Variants in ANO4 observed in about 807,000 individuals in gnomAD.
ANO4 encodes the protein anoctamin-4.
Under a neutral mutation model 141.9 loss-of-function variants are expected in ANO4, and 69 were observed. The ratio of observed to expected loss-of-function variants is 0.49; its 90% CI spans 0.40 to 0.59. The LOEUF is 0.59. Ranked by LOEUF, ANO4 falls within the 20% of genes least tolerant of loss-of-function variation. The pLI, the probability that ANO4 is intolerant of heterozygous loss-of-function variation, is 0.00. For missense variants in ANO4, 894 were observed against 1,162.2 expected (o/e 0.77, Z 3.36); for synonymous variants, 350 against 394.3 (o/e 0.89, Z 1.33).
At chr12:100,898,983 ACAGAGCATG>A (rs2040467576) in intron 1 of ANO4, among the ~76,000 whole-genome samples, 1 of 152,216 alleles carries the variant, frequency 6.6e-6, no homozygotes, top group African/African-American at 2.4e-5. Context: ...CACCAGTGGC[ACAGAGCATG>A]GTGGAGTGGA....
At chr12:100,804,656 A>T (rs142634011) in intron 1 of ANO4, among the ~76,000 whole-genome samples, 1 of 152,268 alleles carries the variant, frequency 6.6e-6, no homozygotes, top group African/African-American at 2.4e-5. Flanking sequence ...GACTGGCGTG[A>T]GATGGTATTT....
chr12:100,942,309 T>G, intron 4 of ANO4, 68 bp from the exon 5 acceptor site: 6 of 1,539,500 alleles, frequency 3.9e-6, no homozygotes, highest in Non-Finnish European at 5.3e-6. Flanking sequence ...TAATTGTTCT[T>G]TAACATTACT....
At chr12:100,836,844 A>G (rs747898992) in intron 1 of ANO4, among the ~76,000 whole-genome samples, 14 of 152,292 alleles carry the variant, frequency 9.2e-5, no homozygotes, top group Non-Finnish European at 1.8e-4. Flanking sequence ...GTGAGGAGCC[A>G]GGAGAGATAT....
At chr12:100,903,067 G>C (rs192423350) in intron 2 of ANO4, among the ~76,000 whole-genome samples, 1 of 152,074 alleles carries the variant, frequency 6.6e-6, no homozygotes, top group Non-Finnish European at 1.5e-5. Flanking sequence ...CCAAACTTCT[G>C]AAAATAATAA....
chr12:100,895,047 C>T (rs2040284365), intron 1 of ANO4, among the ~76,000 whole-genome samples: 1 of 151,748 alleles, frequency 6.6e-6, no homozygotes, highest in African/African-American at 2.4e-5. Flanking sequence ...AAGAGAGTTC[C>T]CACCTTCCTT....
chr12:101,004,696 T>G (rs2045800105), intron 8 of ANO4, among the ~76,000 whole-genome samples: 1 of 152,176 alleles, frequency 6.6e-6, no homozygotes, highest in Non-Finnish European at 1.5e-5. Flanking sequence ...AATTTGAACT[T>G]TAATCCTTTG....
At chr12:100,894,287 G>GT (rs1482125782) in intron 1 of ANO4, among the ~76,000 whole-genome samples, 1 of 152,122 alleles carries the variant, frequency 6.6e-6, no homozygotes, top group Non-Finnish European at 1.5e-5. Flanking sequence ...AGGACCTGGT[G>GT]TGGTGGAGGA....
At chr12:100,912,751 A>C (rs1055865544) in intron 2 of ANO4, among the ~76,000 whole-genome samples, 1 of 152,204 alleles carries the variant, frequency 6.6e-6, no homozygotes, top group African/African-American at 2.4e-5. Context: ...TGGATGAGAT[A>C]ATCAGTCTTC....
chr12:101,086,353 G>A (rs1307059763), intron 16 of ANO4, among the ~76,000 whole-genome samples: 1 of 152,054 alleles, frequency 6.6e-6, no homozygotes, highest in Non-Finnish European at 1.5e-5. Context: ...AGAGTGACAT[G>A]ATAGGATTTC....
chr12:101,049,661 A>G (rs2047782924), intron 14 of ANO4, among the ~76,000 whole-genome samples: 1 of 152,212 alleles, frequency 6.6e-6, no homozygotes. Flanking sequence ...CAGTGAATGT[A>G]TTTAAGAGGT....
At chr12:101,098,833 T>C (rs970459470) in intron 21 of ANO4, among the ~76,000 whole-genome samples, 2 of 152,226 alleles carry the variant, frequency 1.3e-5, no homozygotes, top group Non-Finnish European at 2.9e-5. Flanking sequence ...AGTTTGTCTT[T>C]GATGTTCATT....
At chr12:100,963,066 T>C (rs1328646778) in intron 5 of ANO4, among the ~76,000 whole-genome samples, 2 of 152,190 alleles carry the variant, frequency 1.3e-5, no homozygotes, top group African/African-American at 4.8e-5. Context: ...CTGGGGACAC[T>C]GAGAAGAAGA....
chr12:101,026,759 G>A (rs117224460), intron 9 of ANO4, among the ~76,000 whole-genome samples: 1,806 of 152,192 alleles, frequency 0.012, 17 homozygotes, highest in Non-Finnish European at 0.018. Context: ...ATAGTTCAAA[G>A]TGTAAAATTT....
chr12:101,012,560 C>T (rs531815352), intron 8 of ANO4, among the ~76,000 whole-genome samples: 1 of 152,164 alleles, frequency 6.6e-6, no homozygotes, highest in South Asian at 2.1e-4. Flanking sequence ...AAAACAAATT[C>T]AATGTTGCTT....
intron 1 of ANO4, among the ~76,000 whole-genome samples, chr12:100,826,844 A>C (rs1271349143): frequency 6.6e-6 from 1 of 151,928 alleles, no homozygotes; most frequent in African/African-American, 2.4e-5. Flanking sequence ...ATCTTCTTAT[A>C]ATCCTTGACT....
At chr12:101,003,932 T>G (rs2045761697) in intron 8 of ANO4, among the ~76,000 whole-genome samples, 1 of 152,018 alleles carries the variant, frequency 6.6e-6, no homozygotes, top group African/African-American at 2.4e-5. Context: ...CTGGAATATT[T>G]GAAAATTCCA....
At chr12:100,861,047 TGCC>T (rs1332939251) in intron 1 of ANO4, among the ~76,000 whole-genome samples, 1 of 152,178 alleles carries the variant, frequency 6.6e-6, no homozygotes, top group African/African-American at 2.4e-5. Context: ...CTGAGAGAGT[TGCC>T]GCTGCTGGCT....
chr12:101,007,838 G>A (rs1183626179), intron 8 of ANO4, among the ~76,000 whole-genome samples: 1 of 152,110 alleles, frequency 6.6e-6, no homozygotes, highest in African/African-American at 2.4e-5. Context: ...TCCCATCTCA[G>A]CCTCCCAGGT....
chr12:100,965,606 T>C (rs1207543652), intron 5 of ANO4, among the ~76,000 whole-genome samples: 5 of 151,924 alleles, frequency 3.3e-5, no homozygotes, highest in African/African-American at 1.2e-4. Flanking sequence ...GGTAACTCTC[T>C]CCACCTCACA....
Sources: allele counts gnomAD v4.1 joint callset (sites outside exome capture counted in the v4.1 genomes callset), GRCh38; gene constraint gnomAD v4.1.1; transcripts MANE v1.5; gene names NCBI Gene and HGNC (gene_info 2026-07-23, HGNC 2026-07-21).